Variants in OCA2 observed in about 807,000 individuals in gnomAD.
OCA2 encodes OCA2 melanosomal transmembrane protein.
Under a neutral mutation model 100.2 loss-of-function variants are expected in OCA2, and 77 were observed. The observed-to-expected ratio is 0.77, with a 90% confidence interval of 0.64 to 0.93. The LOEUF (loss-of-function observed/expected upper bound fraction) is 0.93. Ranked by LOEUF, OCA2 falls within the 40% of genes least tolerant of loss-of-function variation. OCA2 has a pLI of 0.00. For missense variants in OCA2, 1,062 were observed against 1,089.1 expected, an observed-to-expected ratio of 0.98 and a Z score of 0.35; for synonymous variants, 432 against 439.2, an observed-to-expected ratio of 0.98 and a Z score of 0.21.
chr15:27,838,775 G>A (rs1430644517), intron 23 of OCA2, among the ~76,000 whole-genome samples: 1 of 152,120 alleles, frequency 6.6e-6, no homozygotes, highest in African/African-American at 2.4e-5. Flanking sequence ...GTGAACCAAG[G>A]GTGTATTAGG....
At chr15:28,086,844 C>G (rs1395335175) in intron 1 of OCA2, among the ~76,000 whole-genome samples, 2 of 152,024 alleles carry the variant, frequency 1.3e-5, no homozygotes, top group African/African-American at 4.8e-5. Flanking sequence ...AGAAAAGAAT[C>G]AATAAGTGGA....
At chr15:27,905,965 G>A (rs1044627023) in intron 19 of OCA2, among the ~76,000 whole-genome samples, 1 of 152,098 alleles carries the variant, frequency 6.6e-6, no homozygotes, top group African/African-American at 2.4e-5. Context: ...TCAGAGATTT[G>A]AAAACAGAAA....
At chr15:27,884,520 T>C (rs1432146601) in intron 19 of OCA2, among the ~76,000 whole-genome samples, 1 of 152,176 alleles carries the variant, frequency 6.6e-6, no homozygotes, top group Non-Finnish European at 1.5e-5. Context: ...CAAGATAAAG[T>C]AAGTTAAATG....
intron 23 of OCA2, among the ~76,000 whole-genome samples, chr15:27,775,973 T>A (rs563716620): frequency 7.2e-5 from 11 of 152,234 alleles, no homozygotes; most frequent in Non-Finnish European, 1.3e-4. Context: ...CATAGCAATG[T>A]CCAGCACCAA....
At chr15:28,069,256 A>G (rs934807349) in intron 2 of OCA2, among the ~76,000 whole-genome samples, 5 of 151,962 alleles carry the variant, frequency 3.3e-5, no homozygotes, top group African/African-American at 9.7e-5. Context: ...TCAAATGTAC[A>G]AAAATCAACA....
chr15:27,984,076 T>A (rs2041260623), intron 13 of OCA2, among the ~76,000 whole-genome samples: 1 of 151,738 alleles, frequency 6.6e-6, no homozygotes, highest in Non-Finnish European at 1.5e-5. Flanking sequence ...AGGATAACCA[T>A]CCCCTTAAAT....
chr15:28,088,986 G>A (rs909558277), intron 1 of OCA2, among the ~76,000 whole-genome samples: 10 of 152,102 alleles, frequency 6.6e-5, no homozygotes, highest in African/African-American at 1.2e-4. Context: ...ATCCCTCATC[G>A]ACAACCGTAA....
chr15:28,082,541 G>A (rs2044678341), intron 1 of OCA2, among the ~76,000 whole-genome samples: 2 of 152,216 alleles, frequency 1.3e-5, no homozygotes, highest in Non-Finnish European at 2.9e-5. Flanking sequence ...ATTGTGATGT[G>A]TGCACAGCAT....
At chr15:27,951,682 G>T (rs1432701839) in intron 18 of OCA2, 102 bp downstream of exon 18, 4 of 858,614 alleles carry the variant, frequency 4.7e-6, no homozygotes, top group Admixed American at 2.0e-5. Flanking sequence ...CCTTCCACCA[G>T]CCCGGCTGCC....
At chr15:28,018,940 C>CA (rs559477256) in intron 6 of OCA2, among the ~76,000 whole-genome samples, 13 of 152,200 alleles carry the variant, frequency 8.5e-5, no homozygotes, top group Non-Finnish European at 1.8e-4. Context: ...TTCAGGACCC[C>CA]ACTCTTCATC....
chr15:28,069,355 GCCCTCTCCCTCTCCCTCT>G (rs1159099758), intron 2 of OCA2, among the ~76,000 whole-genome samples: 3 of 26,834 alleles, frequency 1.1e-4, no homozygotes, highest in Admixed American at 5.9e-4. Context: ...TGAAACACCT[GCCCTCTCCCTCTCCCTCT>G]CCCTCTCCCT....
chr15:27,921,479 C>T (rs989811390), intron 19 of OCA2, among the ~76,000 whole-genome samples: 4 of 152,090 alleles, frequency 2.6e-5, no homozygotes, highest in African/African-American at 9.7e-5. Flanking sequence ...CATGTGGCAA[C>T]TTAAATCCAT....
chr15:28,074,762 G>C (rs930642244), intron 2 of OCA2, among the ~76,000 whole-genome samples: 3 of 151,798 alleles, frequency 2.0e-5, no homozygotes, highest in African/African-American at 7.3e-5. Context: ...CAGGAGAATC[G>C]CTTGAACCCA....
chr15:27,995,253 C>A (rs972615747), intron 9 of OCA2, among the ~76,000 whole-genome samples: 2 of 152,164 alleles, frequency 1.3e-5, no homozygotes, highest in Non-Finnish European at 2.9e-5. Context: ...GCACTGTACA[C>A]CAAGTGGACC....
At chr15:28,062,825 T>C (rs769328460) in intron 2 of OCA2, among the ~76,000 whole-genome samples, 6 of 152,212 alleles carry the variant, frequency 3.9e-5, no homozygotes, top group Non-Finnish European at 8.8e-5. Flanking sequence ...CTTTCTGTAT[T>C]TATTTGTTTT....
At chr15:28,033,468 G>T (rs2042965564) in intron 2 of OCA2, among the ~76,000 whole-genome samples, 1 of 152,180 alleles carries the variant, frequency 6.6e-6, no homozygotes, top group Non-Finnish European at 1.5e-5. Context: ...TTCTGTGGAT[G>T]AATAAAACAT....
At chr15:28,073,402 G>A (rs752109307) in intron 2 of OCA2, among the ~76,000 whole-genome samples, 8 of 152,108 alleles carry the variant, frequency 5.3e-5, no homozygotes, top group East Asian at 1.9e-4. Flanking sequence ...CAACAAGAGC[G>A]AAACTCCATC....
rs74812881 is a variant in OCA2 at position 27,921,177 on chromosome 15, T to C, written c.2079+4950A>G. 4.4e-3 allele frequency among the ~76,000 whole-genome samples: 663 copies of C among 152,122 alleles called. 4 individuals carry two copies. The highest frequency in any genetic ancestry group is 0.015 in the African/African-American group (641 of 41,502). On this transcript the variant is annotated intron_variant, in intron 19 of 23. Transcript: ENST00000354638. The stretch of plus-strand genomic sequence containing the variant: ...CCTAGATGCATAATAGTCACACTAT[T>C]GAAAGACAAAGTAAAGCCTCAAAAG...
At chr15:27,941,239 C>A (rs1231917709) in intron 18 of OCA2, among the ~76,000 whole-genome samples, 2 of 152,106 alleles carry the variant, frequency 1.3e-5, no homozygotes, top group Admixed American at 6.6e-5. Flanking sequence ...AGTAATCATT[C>A]GATGTGAGAA....
Sources: allele counts gnomAD v4.1 joint callset (sites outside exome capture counted in the v4.1 genomes callset), GRCh38; gene constraint gnomAD v4.1.1; transcripts MANE v1.5; gene names NCBI Gene and HGNC (gene_info 2026-07-23, HGNC 2026-07-21).